Variants in LPP observed in about 807,000 individuals in gnomAD.
LPP encodes the protein LIM domain containing preferred translocation partner in lipoma.
In LPP, 38 loss-of-function variants were observed where a neutral mutation model predicts 60.4. That is an observed-to-expected ratio of 0.63 (90% confidence interval 0.49 to 0.83). The LOEUF is 0.83. Ranked by LOEUF, LPP falls within the 40% of genes least tolerant of loss-of-function variation. LPP has a pLI of 0.00. For synonymous variants in LPP, 328 were observed against 290.8 expected, an observed-to-expected ratio of 1.13 and a Z score of -1.30; for missense variants, 902 against 783.6, an observed-to-expected ratio of 1.15 and a Z score of -1.80.
intron 10 of LPP, among the ~76,000 whole-genome samples, chr3:188,868,155 T>C (rs1007037436): frequency 6.6e-6 from 1 of 152,202 alleles, no homozygotes; most frequent in Non-Finnish European, 1.5e-5. Context: ...AGTGAAAAGA[T>C]CTCAATGGGG....
At chr3:188,548,178 G>A (rs1255575177) in intron 6 of LPP, among the ~76,000 whole-genome samples, 1 of 152,216 alleles carries the variant, frequency 6.6e-6, no homozygotes, top group Non-Finnish European at 1.5e-5. Context: ...ATATGGTGTG[G>A]TAGATGGAGC....
intron 9 of LPP, among the ~76,000 whole-genome samples, chr3:188,765,949 C>A (rs927308553): frequency 1.4e-5 from 2 of 143,310 alleles, no homozygotes; most frequent in Non-Finnish European, 3.0e-5. Flanking sequence ...TGGCTCACTG[C>A]AATCTCCACC....
intron 2 of LPP, among the ~76,000 whole-genome samples, chr3:188,239,231 T>G (rs1722981903): frequency 6.6e-6 from 1 of 152,210 alleles, no homozygotes; most frequent in Admixed American, 6.5e-5. Flanking sequence ...TGGGTGCAGA[T>G]GGGCAATCGT....
chr3:188,395,578 C>G (rs965933706), intron 3 of LPP, among the ~76,000 whole-genome samples: 1 of 151,828 alleles, frequency 6.6e-6, no homozygotes, highest in Non-Finnish European at 1.5e-5. Context: ...ATTAGAGAAT[C>G]GGAGATTAAA....
chr3:188,650,385 T>G (rs1580695913), intron 7 of LPP, among the ~76,000 whole-genome samples: 1 of 152,342 alleles, frequency 6.6e-6, no homozygotes, highest in Middle Eastern at 3.4e-3. Flanking sequence ...CTGCGTTTTA[T>G]TCTGTATCAG....
intron 7 of LPP, among the ~76,000 whole-genome samples, chr3:188,668,921 T>C (rs1220188667): frequency 2.6e-5 from 4 of 152,224 alleles, no homozygotes; most frequent in African/African-American, 7.2e-5. Context: ...AATATAACCT[T>C]GTGCATTACT....
intron 5 of LPP, among the ~76,000 whole-genome samples, chr3:188,516,923 G>A (rs1255256341): frequency 6.6e-6 from 1 of 152,030 alleles, no homozygotes; most frequent in Admixed American, 6.6e-5. Context: ...TTAATTCCTG[G>A]CACCCTTACA....
intron 1 of LPP, among the ~76,000 whole-genome samples, chr3:188,157,686 AGG>A (rs1716916216): frequency 6.6e-6 from 1 of 151,866 alleles, no homozygotes; most frequent in African/African-American, 2.4e-5. Flanking sequence ...GGTGTGTGTG[AGG>A]GGGAGGGAAA....
chr3:188,501,520 C>T (rs576615101), intron 5 of LPP, among the ~76,000 whole-genome samples: 38 of 152,004 alleles, frequency 2.5e-4, no homozygotes, highest in South Asian at 2.1e-3. Flanking sequence ...GAGGCCGAGG[C>T]GGGTGGATCA....
At chr3:188,851,177 T>C (rs1011912803) in intron 9 of LPP, among the ~76,000 whole-genome samples, 1 of 152,228 alleles carries the variant, frequency 6.6e-6, no homozygotes, top group African/African-American at 2.4e-5. Context: ...AGAGGGAATT[T>C]ATAGATCAGA....
chr3:188,297,151 T>C (rs976700328), intron 2 of LPP, among the ~76,000 whole-genome samples: 3 of 152,196 alleles, frequency 2.0e-5, no homozygotes, highest in African/African-American at 4.8e-5. Flanking sequence ...TATAATTCAG[T>C]CTGGTTAATC....
chr3:188,861,732 C>T (rs967247945), intron 9 of LPP, among the ~76,000 whole-genome samples: 4 of 152,090 alleles, frequency 2.6e-5, no homozygotes, highest in East Asian at 1.9e-4. Context: ...GACTTAAAAA[C>T]GTTGCATTTG....
At chr3:188,554,676 A>T (rs1479107586) in intron 6 of LPP, among the ~76,000 whole-genome samples, 3 of 152,186 alleles carry the variant, frequency 2.0e-5, no homozygotes, top group Non-Finnish European at 4.4e-5. Context: ...TTTTACTTTG[A>T]TTCCAAATCA....
chr3:188,477,458 C>A (rs896853971), intron 4 of LPP, among the ~76,000 whole-genome samples: 4 of 152,142 alleles, frequency 2.6e-5, no homozygotes, highest in African/African-American at 9.7e-5. Context: ...CAAGTCAGTG[C>A]AATTGCTTTC....
chr3:188,598,447 A>G (rs1240210467), intron 6 of LPP, among the ~76,000 whole-genome samples: 1 of 152,134 alleles, frequency 6.6e-6, no homozygotes, highest in African/African-American at 2.4e-5. Context: ...ATAAGTTAAT[A>G]GAAGTAGAAA....
At chr3:188,843,075 G>C (rs1330419294) in intron 9 of LPP, among the ~76,000 whole-genome samples, 2 of 152,010 alleles carry the variant, frequency 1.3e-5, no homozygotes, top group Non-Finnish European at 2.9e-5. Flanking sequence ...TTGTTGTTTA[G>C]TATGCCACGA....
chr3:188,574,976 T>A (rs9820072), intron 6 of LPP, among the ~76,000 whole-genome samples: 68,109 of 151,664 alleles, frequency 0.45, 16,992 homozygotes, highest in Middle Eastern at 0.64. Flanking sequence ...TTGAGGGGAA[T>A]CGTGGTAAAT....
intron 3 of LPP, among the ~76,000 whole-genome samples, chr3:188,373,756 G>C (rs1308259893): frequency 3.9e-5 from 6 of 151,910 alleles, no homozygotes; most frequent in Non-Finnish European, 8.8e-5. Context: ...CATTGCTTTT[G>C]GTGTTTTAGA....
chr3:188,275,421 G>A (rs1739292118), intron 2 of LPP, among the ~76,000 whole-genome samples: 1 of 152,108 alleles, frequency 6.6e-6, no homozygotes, highest in African/African-American at 2.4e-5. Context: ...GTACAGTGGT[G>A]TGATCATAGC....
Sources: allele counts gnomAD v4.1 joint callset (sites outside exome capture counted in the v4.1 genomes callset), GRCh38; gene constraint gnomAD v4.1.1; transcripts MANE v1.5; gene names NCBI Gene and HGNC (gene_info 2026-07-23, HGNC 2026-07-21).